The following C2 variants were observed in gnomAD, a reference collection of about 807,000 sequenced individuals.
C2 encodes C3/C5 convertase.
A neutral mutation model predicts 85.2 loss-of-function variants in C2; 64 were observed. The ratio of observed to expected loss-of-function variants is 0.75; its 90% CI spans 0.61 to 0.92. The LOEUF is 0.92. C2 is among the 40% of genes least tolerant of loss of function. The probability of loss-of-function intolerance (pLI) is 0.00; values close to 1 mark genes in which losing one functional copy is unlikely to be tolerated. For synonymous variants in C2, 311 were observed against 370.8 expected, an observed-to-expected ratio of 0.84 and a Z score of 1.85; for missense variants, 820 against 971.6, an observed-to-expected ratio of 0.84 and a Z score of 2.07.
chr6:31,941,858 G>C (rs1480604836), intron 9 of C2: 1 of 112,962 alleles, frequency 8.9e-6, no homozygotes, highest in African/African-American at 3.6e-5. Flanking sequence ...TTGCTCTGTT[G>C]CCCAGGCTGG....
chr6:31,915,797 T>C (rs1768461709), upstream of C2, among the ~76,000 whole-genome samples: 1 of 152,244 alleles, frequency 6.6e-6, no homozygotes, highest in African/African-American at 2.4e-5. Context: ...GTTAGGCCTC[T>C]TGCAGTGGCC....
upstream of C2, among the ~76,000 whole-genome samples, chr6:31,915,684 A>T (rs895717486): frequency 6.6e-6 from 1 of 152,194 alleles, no homozygotes; most frequent in Non-Finnish European, 1.5e-5. Context: ...CCATCAAAAG[A>T]GGGTGCTGGA....
At chr6:31,914,442 T>C (rs909105423) in intron 1 of C2, among the ~76,000 whole-genome samples, 2 of 147,018 alleles carry the variant, frequency 1.4e-5, no homozygotes, top group Non-Finnish European at 3.0e-5. Flanking sequence ...AATACAAAAA[T>C]TAGCTGGGCG....
In C2 at chr6:31,936,049, G is replaced by A. The variant is rs750860477; in HGVS notation, c.976G>A (p.Ala326Thr). 4.1e-5 allele frequency: 66 copies of A among 1,612,858 alleles called. No individual in the cohort carries two copies. The highest frequency in any genetic ancestry group is 5.3e-5 in the Non-Finnish European group (62 of 1,179,998). Residue 326 changes from alanine to threonine, a missense_variant, in exon 7 of 18, where the codon GCC (alanine) becomes ACC (threonine). Ala to Thr is a moderately conservative substitution (Grantham distance 58, BLOSUM62 0). Coordinates refer to ENST00000299367, the MANE Select transcript of C2 (RefSeq NM_000063.6). ...MTEVISSLENANYKDHENGTG... is the reference protein window; with the variant it reads ...MTEVISSLENTNYKDHENGTG... The stretch of plus-strand genomic sequence containing the variant: ...TGAGGTGATCAGCAGCCTGGAAAAT[G>A]CCAACTATAAAGGTACGGGTGTCAT...
Position 31,944,956 on chromosome 6 carries a change from T to A in C2, c.2030-24T>A, listed in dbSNP as rs200084119. 488 of 1,612,990 alleles carry A rather than the reference T, an allele frequency of 3.0e-4. 2 individuals carry two copies. The highest frequency in any genetic ancestry group is 3.1e-4 in the Non-Finnish European group (360 of 1,179,960). On this transcript the variant is annotated intron_variant, in intron 16 of 17. Coordinates refer to ENST00000299367, the MANE Select transcript of C2 (RefSeq NM_000063.6). This position sits in a 1 kb window ranked among gnomAD's most constrained non-coding sequence, Gnocchi z 5.1. ...CAGTCCACTGCCCTAGATGACACTG[T>A]CTCCTGTCACCCTTTGCTGGCAGGA...
chr6:31,940,089 T>C (rs1770763757), intron 9 of C2, among the ~76,000 whole-genome samples: 1 of 152,228 alleles, frequency 6.6e-6, no homozygotes, highest in Admixed American at 6.5e-5. Flanking sequence ...CAATTTTTAA[T>C]TTTTTAATTA....
intron 9 of C2, 84 bp from the exon 10 acceptor site, chr6:31,942,858 TAGGTCTTGATTGGACAC>T: frequency 1.4e-6 from 2 of 1,459,908 alleles, no homozygotes; most frequent in Non-Finnish European, 9.5e-7. Context: ...CCAGCTCATG[TAGGTCTTGATTGGACAC>T]AGTGAGTTTC....
At chr6:31,908,651 C>CA (rs769417085) in intron 1 of C2, among the ~76,000 whole-genome samples, 319 of 106,298 alleles carry the variant, frequency 3.0e-3, no homozygotes, top group African/African-American at 6.6e-3. Context: ...GACTTCATCT[C>CA]AAAAAAAAAA....
rs1215919918 is a variant in C2 at position 31,939,315 on chromosome 6, A to T, written c.1214A>T (p.Tyr405Phe). ...ILNINQKRND[Y>F]LDIYAIGVGK... ...AACATCAACCAGAAGAGGAATGACT[A>T]TCTGGGTGAGCCCCTGCCACTGCCA... Residue 405 changes from tyrosine (Y) to phenylalanine (F), a missense_variant, in exon 9 of 18, where the codon TAT becomes TTT. Transcript: ENST00000299367. 1 of 1,610,106 alleles carries T rather than the reference A, an allele frequency of 6.2e-7. No homozygotes were observed. Among genetic ancestry groups the T allele is most frequent in the South Asian group, 1.1e-5 (1 of 91,022 alleles).
chr6:31,933,998 A>G (rs745425658), intron 5 of C2, 33 bp downstream of exon 5: 1 of 1,592,614 alleles, frequency 6.3e-7, no homozygotes, highest in Non-Finnish European at 8.6e-7. Flanking sequence ...CTGGTTGAGC[A>G]GGGTGCTGGA....
At chr6:31,932,897 C>T (rs1280746748) in intron 3 of C2, among the ~76,000 whole-genome samples, 4 of 152,382 alleles carry the variant, frequency 2.6e-5, no homozygotes, top group East Asian at 3.9e-4. Context: ...GTGGATCACT[C>T]GCGGTTAGGA....
At chr6:31,902,567 C>T (rs1037597927) in intron 1 of C2, among the ~76,000 whole-genome samples, 3 of 152,268 alleles carry the variant, frequency 2.0e-5, no homozygotes, top group Non-Finnish European at 4.4e-5. Context: ...CTATTACCCA[C>T]GCCTGCCTCC....
rs1770304479 is a variant in C2 at position 31,935,193 on chromosome 6, T to C, written c.850-730T>C. ...AAAGAGGGCAGTTTCTGTGCTCTCTTGGGACTCAAAATTAAGTAACTCATT... is the reference window on the plus strand; with the variant it reads ...AAAGAGGGCAGTTTCTGTGCTCTCTCGGGACTCAAAATTAAGTAACTCATT... On this transcript the variant is annotated intron_variant, in intron 6 of 17. Coordinates refer to ENST00000299367, the MANE Select transcript of C2 (RefSeq NM_000063.6). This position sits in a 1 kb window ranked among gnomAD's most constrained non-coding sequence, Gnocchi z 4.3. 7.3e-6 allele frequency: 3 copies of C among 410,648 alleles called. No homozygotes were observed. The highest frequency in any genetic ancestry group is 9.9e-6 in the Non-Finnish European group (3 of 304,478). 25.4% of individuals were successfully genotyped at this position (410,648 alleles called of 1,614,324 possible).
At chr6:31,903,578 C>T (rs1398411432) in intron 1 of C2, among the ~76,000 whole-genome samples, 1 of 152,058 alleles carries the variant, frequency 6.6e-6, no homozygotes, top group African/African-American at 2.4e-5. Context: ...TGCAGTGAGC[C>T]TAGATTGCGC....
chr6:31,901,855 CTGTT>C (rs1332419664), intron 1 of C2: 2 of 150,042 alleles, frequency 1.3e-5, no homozygotes, highest in Non-Finnish European at 3.0e-5. Context: ...GTTCCGCGCG[CTGTT>C]TTTTTAATCC....
chr6:31,908,995 G>A (rs918189829), intron 1 of C2, among the ~76,000 whole-genome samples: 5 of 151,982 alleles, frequency 3.3e-5, no homozygotes, highest in African/African-American at 4.8e-5. Flanking sequence ...AGGTATGACC[G>A]TGTATACTTC....
upstream of C2, among the ~76,000 whole-genome samples, chr6:31,915,323 G>T (rs1162372214): frequency 6.6e-6 from 1 of 152,176 alleles, no homozygotes; most frequent in Non-Finnish European, 1.5e-5. Flanking sequence ...TGAACTTGCA[G>T]TTCCTTTAAT....
Position 31,935,510 on chromosome 6 carries a change from C to T in C2, c.850-413C>T, listed in dbSNP as rs1427043827. The T allele has an allele frequency of 1.2e-5, 2 of 168,442 alleles. No individual in the cohort carries two copies. Among genetic ancestry groups the T allele is most frequent in the African/African-American group, 2.4e-5 (1 of 41,856 alleles). 10.4% of individuals were successfully genotyped at this position (168,442 alleles called of 1,614,324 possible). On this transcript the variant is annotated intron_variant, in intron 6 of 17. Coordinates refer to ENST00000299367, the MANE Select transcript of C2 (RefSeq NM_000063.6). The surrounding 1 kb of genome is among the most constrained non-coding windows in gnomAD (Gnocchi z 4.3). ...TATTTTTGAGATAGAGTCTCTGTCA[C>T]CCAGGCTGGAGTACAGTGGTGCGAT...
In C2 at chr6:31,927,863, TC is replaced by T; in HGVS notation, c.46+68del. ...TGAGGTTGGTGCTCCCAGCTTGAAT[TC>T]CCATGTGTGAAACAGTCTCTTTTGC... is the stretch of plus-strand genomic sequence containing the variant. On this transcript the variant is annotated intron_variant, in intron 1 of 17. Coordinates refer to ENST00000299367, the MANE Select transcript of C2 (RefSeq NM_000063.6). The surrounding 1 kb of genome is among the most constrained non-coding windows in gnomAD (Gnocchi z 4.7). 4.4e-6 allele frequency: 7 copies of T among 1,590,176 alleles called. No homozygotes were observed. Among genetic ancestry groups the T allele is most frequent in the Non-Finnish European group, 6.0e-6 (7 of 1,158,184 alleles).
Sources: allele counts gnomAD v4.1 joint callset (sites outside exome capture counted in the v4.1 genomes callset), GRCh38; gene constraint gnomAD v4.1.1; non-coding constraint Gnocchi (gnomAD v3.1); transcripts MANE v1.5; gene names NCBI Gene and HGNC (gene_info 2026-07-23, HGNC 2026-07-21).